Variants in STK11 observed in about 807,000 individuals in gnomAD.
The protein encoded by STK11 is serine/threonine-protein kinase STK11.
Under a neutral mutation model 47.3 loss-of-function variants are expected in STK11, and 8 were observed. The observed-to-expected ratio is 0.17, with a 90% confidence interval of 0.10 to 0.31. The LOEUF (loss-of-function observed/expected upper bound fraction) is 0.31. Among genes scored for constraint, STK11 ranks in the 10% least tolerant of loss-of-function variants. STK11 has a pLI of 1.00. For missense variants in STK11, 475 were observed against 605.0 expected (o/e 0.79, Z 2.25); for synonymous variants, 330 against 255.8 (o/e 1.29, Z -2.77).
intron 3 of STK11, 31 bp downstream of exon 3, chr19:1,219,444 G>A (rs12608721): frequency 3.1e-6 from 4 of 1,304,802 alleles, no homozygotes; most frequent in South Asian, 1.3e-5. Context: ...CCAGGGTGGG[G>A]CGGGGGCCGG....
At chr19:1,218,980 G>A (rs773321656) in intron 2 of STK11, among the ~76,000 whole-genome samples, 13 of 151,830 alleles carry the variant, frequency 8.6e-5, no homozygotes, top group Non-Finnish European at 1.8e-4. Context: ...CCTGAGCCAC[G>A]CGGTCAGGGG....
intron 8 of STK11, chr19:1,224,400 C>T (rs2080807015): frequency 2.0e-6 from 2 of 985,338 alleles, no homozygotes; most frequent in East Asian, 1.1e-4. Flanking sequence ...GAGGTGGGGG[C>T]CCCTCATGGT....
At chr19:1,213,811 C>T (rs1599921471) in intron 1 of STK11, among the ~76,000 whole-genome samples, 1 of 152,326 alleles carries the variant, frequency 6.6e-6, no homozygotes, top group East Asian at 1.9e-4. Context: ...GACCAGGGCA[C>T]GCGGGTCTGG....
rs539840957 is a variant in STK11 at position 1,214,532 on chromosome 19, A to G, written c.291-3885A>G. 2.6e-5 allele frequency among the ~76,000 whole-genome samples: 4 copies of G among 152,280 alleles called. No homozygotes were observed. In the South Asian group the frequency reaches 8.3e-4, roughly 32 times the overall value. ...TTCCCCATCTGTAGAATGATGGCTC[A>G]TGGAGGAGACATGGTGTCGGCAGGT... On this transcript the variant is annotated intron_variant, in intron 1 of 9. Transcript: ENST00000326873.
chr19:1,220,861 T>C (rs2080778647), intron 5 of STK11, 144 bp downstream of exon 5: 1 of 1,293,002 alleles, frequency 7.7e-7, no homozygotes, highest in African/African-American at 1.5e-5. Flanking sequence ...GTGCTTACTT[T>C]ATGGAAATGT....
At position 1,207,104 on chromosome 19, in the gene STK11, A is replaced by G. The variant is rs2145405395; in HGVS notation, c.191A>G (p.Lys64Arg). 1 of 1,613,958 alleles carries G rather than the reference A, an allele frequency of 6.2e-7. No homozygotes were observed. Among genetic ancestry groups the G allele is most frequent in the Non-Finnish European group, 8.5e-7 (1 of 1,179,876 alleles). The change falls in exon 1 of 10, where the codon AAG (lysine) becomes AGG (arginine). Residue 64 changes from lysine to arginine, a missense_variant. Transcript: ENST00000326873. ...GGGGAAGGCTCTTACGGCAAGGTGA[A>G]GGAGGTGCTGGACTCGGAGACGCTG... Reference protein sequence around the residue: ...LLGEGSYGKVKEVLDSETLCR... With the variant: ...LLGEGSYGKVREVLDSETLCR...
chr19:1,226,361 G>C, intron 8 of STK11, 93 bp from the exon 9 acceptor site: 1 of 1,536,992 alleles, frequency 6.5e-7, no homozygotes. Flanking sequence ...GGCAGCAGCT[G>C]TAAGTGCGTC....
chr19:1,226,299 A>T (rs2080820060), intron 8 of STK11, 155 bp from the exon 9 acceptor site: 1 of 1,451,020 alleles, frequency 6.9e-7, no homozygotes, highest in African/African-American at 1.4e-5. Context: ...GCTGGGGGGC[A>T]GCATTTCAGG....
At chr19:1,209,345 G>A (rs1038830080) in intron 1 of STK11, among the ~76,000 whole-genome samples, 56 of 152,198 alleles carry the variant, frequency 3.7e-4, no homozygotes, top group African/African-American at 5.1e-4. Flanking sequence ...CACTTTGGGA[G>A]GCTGAGGTGG....
chr19:1,223,093 C>G lies in STK11; in HGVS notation c.1029C>G (p.Asp343Glu), dbSNP rs1448942333. The G allele has an allele frequency of 6.2e-7, 1 of 1,610,786 alleles. No homozygotes were observed. Among genetic ancestry groups the G allele is most frequent in the Non-Finnish European group, 8.5e-7 (1 of 1,179,052 alleles). ...RSMTVVPYLEDLHGADEDEDL... is the reference protein window; with the variant it reads ...RSMTVVPYLEELHGADEDEDL... ...TGACTGTGGTGCCGTACTTGGAGGA[C>G]CTGCACGGCGCGGACGAGGACGAGG... Residue 343 changes from aspartate to glutamate, a missense_variant, in exon 8 of 10, where the codon GAC becomes GAG. By Grantham distance (45) the Asp-to-Glu change is conservative (BLOSUM62 2). Coordinates refer to ENST00000326873, the MANE Select transcript of STK11 (RefSeq NM_000455.5).
rs950800245 is a variant in STK11, at chr19:1,221,402, G to C, written c.862+62G>C. 8 of 1,512,202 alleles carry C rather than the reference G, an allele frequency of 5.3e-6. No individual in the cohort carries two copies. In the African/African-American group the frequency reaches 9.7e-5, roughly 18 times the overall value. 93.7% of individuals were successfully genotyped at this position (1,512,202 alleles called of 1,614,324 possible). A position where few individuals can be genotyped will look rare whatever the true frequency, so the allele number is the denominator to read the frequency against. ...GGCGGGGCTTTTGTGCAGAAATGTA[G>C]GGTTGGGGGTGTCAGGTGGGGGGCT... On this transcript the variant is annotated intron_variant, in intron 6 of 9. Coordinates refer to ENST00000326873, the MANE Select transcript of STK11 (RefSeq NM_000455.5).
rs786201491 is a variant in STK11, at chr19:1,226,497, G to T, written c.1152G>T (p.Arg384=). ...EEEASHNGQR[R]GLPKAVCMNG... The stretch of plus-strand genomic sequence containing the variant: ...AGGCCAGTCACAATGGACAGCGCCG[G>T]GGCCTCCCCAAGGCCGTGTGTATGA... Residue 384 remains arginine (R), a synonymous_variant, in exon 9 of 10, where the codon CGG becomes CGT. Coordinates refer to ENST00000326873, the MANE Select transcript of STK11 (RefSeq NM_000455.5). 6.2e-7 allele frequency: 1 copy of T among 1,611,228 alleles called. No individual in the cohort carries two copies. The highest frequency in any genetic ancestry group is 1.3e-5 in the African/African-American group (1 of 75,030).
chr19:1,221,178 T>C (rs1436083209), intron 5 of STK11, 35 bp from the exon 6 acceptor site: 1 of 1,609,516 alleles, frequency 6.2e-7, no homozygotes, highest in Non-Finnish European at 8.5e-7. Flanking sequence ...CCACCTTGAC[T>C]GACCACGCCT....
intron 1 of STK11, among the ~76,000 whole-genome samples, chr19:1,211,494 C>T (rs1426310591): frequency 6.6e-6 from 1 of 151,932 alleles, no homozygotes; most frequent in Non-Finnish European, 1.5e-5. Flanking sequence ...GCCGCCATGC[C>T]TCCCTCCCCC....
rs985683880 is a variant in STK11, at chr19:1,211,470, G to A, written c.290+4267G>A. On this transcript the variant is annotated intron_variant, in intron 1 of 9. Transcript: ENST00000326873. Reference sequence around the variant, plus strand: ...CCCACAGTGGGGTTCTGGGGGGGGGGGTGCAGGCAGAAGGCCGCCATGCCT... The same window carrying A: ...CCCACAGTGGGGTTCTGGGGGGGGGAGTGCAGGCAGAAGGCCGCCATGCCT... Among the ~76,000 whole-genome samples, 53 of 151,762 alleles carry A rather than the reference G, an allele frequency of 3.5e-4. 1 individual carries two copies. The highest frequency in any genetic ancestry group is 1.3e-3 in the African/African-American group (53 of 41,268).
chr19:1,211,664 G>T (rs1006763821), intron 1 of STK11, among the ~76,000 whole-genome samples: 1 of 152,202 alleles, frequency 6.6e-6, no homozygotes, highest in East Asian at 1.9e-4. Context: ...CTGTGCTTTC[G>T]TATCTTTTCT....
chr19:1,224,334 C>T, intron 8 of STK11: 2 of 985,412 alleles, frequency 2.0e-6, no homozygotes, highest in Non-Finnish European at 2.4e-6. Flanking sequence ...ACCATCGCGT[C>T]TGGTCTGTTG....
chr19:1,208,587 C>T (rs1164999593), intron 1 of STK11, among the ~76,000 whole-genome samples: 3 of 130,768 alleles, frequency 2.3e-5, no homozygotes, highest in East Asian at 2.4e-4. Context: ...GTACTACAGG[C>T]GTGAGTCAAC....
At chr19:1,213,058 G>T (rs920552202) in intron 1 of STK11, among the ~76,000 whole-genome samples, 1 of 143,480 alleles carries the variant, frequency 7.0e-6, no homozygotes, top group Non-Finnish European at 1.5e-5. Context: ...GTGCAGTGGC[G>T]TGATCTTGGC....
Sources: allele counts gnomAD v4.1 joint callset (sites outside exome capture counted in the v4.1 genomes callset), GRCh38; gene constraint gnomAD v4.1.1; transcripts MANE v1.5; gene names NCBI Gene and HGNC (gene_info 2026-07-23, HGNC 2026-07-21).